The following ADCY9 variants were observed in gnomAD, a reference collection of about 807,000 sequenced individuals.
The protein encoded by ADCY9 is adenylate cyclase 9, also known as adenylate cyclase type 9.
Under a neutral mutation model 101.5 loss-of-function variants are expected in ADCY9, and 50 were observed. That is an observed-to-expected ratio of 0.49 (90% CI 0.39 to 0.62). The LOEUF (loss-of-function observed/expected upper bound fraction) is 0.62. Ranked by LOEUF, ADCY9 falls within the 20% of genes least tolerant of loss-of-function variation. The pLI, the probability that ADCY9 is intolerant of heterozygous loss-of-function variation, is 0.00. For missense variants in ADCY9, 1,662 were observed against 1,800.4 expected (o/e 0.92, Z 1.39); for synonymous variants, 905 against 769.3 (o/e 1.18, Z -2.92).
At chr16:4,104,642 G>T (rs1290942327) in intron 2 of ADCY9, among the ~76,000 whole-genome samples, 1 of 151,942 alleles carries the variant, frequency 6.6e-6, no homozygotes, top group Non-Finnish European at 1.5e-5. Flanking sequence ...CTACTCACTT[G>T]TTGAATGTTT....
intron 2 of ADCY9, among the ~76,000 whole-genome samples, chr16:4,029,694 G>A (rs1334591273): frequency 6.6e-5 from 10 of 152,158 alleles, no homozygotes; most frequent in African/African-American, 2.4e-4. Context: ...GCAATGAGCC[G>A]AGATTGTGCC....
chr16:4,010,759 C>T (rs2531966), intron 2 of ADCY9, among the ~76,000 whole-genome samples: 144,179 of 152,188 alleles, frequency 0.95, 68,744 homozygotes, highest in East Asian at 1. Context: ...GTGGCTCGAA[C>T]GTGTCCCCTC....
At chr16:4,046,133 G>C (rs2056663051) in intron 2 of ADCY9, among the ~76,000 whole-genome samples, 1 of 152,100 alleles carries the variant, frequency 6.6e-6, no homozygotes, top group Non-Finnish European at 1.5e-5. Context: ...TCACAGGTGT[G>C]AGCCACGGCA....
intron 2 of ADCY9, among the ~76,000 whole-genome samples, chr16:4,102,363 C>G (rs1252021892): frequency 6.6e-6 from 1 of 152,134 alleles, no homozygotes; most frequent in Non-Finnish European, 1.5e-5. Context: ...AAGCACCCAA[C>G]CATTCAAGGG....
chr16:4,095,280 CG>C (rs1468929960), intron 2 of ADCY9, among the ~76,000 whole-genome samples: 1 of 152,186 alleles, frequency 6.6e-6, no homozygotes, highest in African/African-American at 2.4e-5. Flanking sequence ...CGATTACAGG[CG>C]TGAGCCACCG....
intron 2 of ADCY9, among the ~76,000 whole-genome samples, chr16:4,025,322 G>A (rs1025367894): frequency 6.7e-6 from 1 of 149,618 alleles, no homozygotes; most frequent in Non-Finnish European, 1.5e-5. Flanking sequence ...TGCAGTGAGC[G>A]GACATTGGTG....
intron 3 of ADCY9, among the ~76,000 whole-genome samples, chr16:4,003,540 AGT>A (rs1463014076): frequency 2.0e-5 from 3 of 151,292 alleles, no homozygotes; most frequent in Non-Finnish European, 4.4e-5. Context: ...AGAGGAATTA[AGT>A]GTGTGTTTGC....
At chr16:4,105,293 T>C (rs192716159) in intron 2 of ADCY9, among the ~76,000 whole-genome samples, 58 of 152,302 alleles carry the variant, frequency 3.8e-4, no homozygotes, top group African/African-American at 1.1e-3. Context: ...TTTCAATTTC[T>C]AATACTGTAA....
chr16:4,092,504 CT>C (rs1345325274), intron 2 of ADCY9, among the ~76,000 whole-genome samples: 2 of 152,150 alleles, frequency 1.3e-5, no homozygotes, highest in Admixed American at 6.6e-5. Flanking sequence ...TTCATTAATT[CT>C]AATTGACTTT....
chr16:4,024,069 C>T (rs1314596168), intron 2 of ADCY9, among the ~76,000 whole-genome samples: 2 of 151,668 alleles, frequency 1.3e-5, no homozygotes, highest in Non-Finnish European at 2.9e-5. Flanking sequence ...GTTGCCCAGG[C>T]TGGAGTGCAA....
intron 2 of ADCY9, among the ~76,000 whole-genome samples, chr16:4,092,668 C>T (rs2056980798): frequency 6.6e-6 from 1 of 152,126 alleles, no homozygotes; most frequent in Admixed American, 6.6e-5. Context: ...TAATAATACA[C>T]TAAAAATAAC....
chr16:4,055,823 G>T (rs1057459439), intron 2 of ADCY9, among the ~76,000 whole-genome samples: 3 of 151,768 alleles, frequency 2.0e-5, no homozygotes, highest in Non-Finnish European at 4.4e-5. Context: ...GACAGAGCGA[G>T]GATCCGTTTC....
intron 2 of ADCY9, among the ~76,000 whole-genome samples, chr16:4,078,498 A>G (rs1386049174): frequency 1.3e-5 from 2 of 151,176 alleles, no homozygotes; most frequent in Non-Finnish European, 3.0e-5. Context: ...AGGAGGTCAA[A>G]GCTGCAGTGA....
downstream of ADCY9, among the ~76,000 whole-genome samples, chr16:3,961,025 T>C (rs113974253): frequency 2.7e-3 from 409 of 152,308 alleles, 2 homozygotes; most frequent in African/African-American, 9.4e-3. Context: ...AGCAACCATG[T>C]GAACAAGATT....
rs761248124 is a variant in ADCY9 at position 4,114,513 on chromosome 16, G to A, written c.930C>T (p.Phe310=). 13 of 1,614,052 alleles carry A rather than the reference G, an allele frequency of 8.1e-6. No homozygotes were observed. Among genetic ancestry groups the A allele is most frequent in the Non-Finnish European group, 1.0e-5 (12 of 1,180,046 alleles). ...GCATAATGGATTGCCCCACCTTGAG[G>A]AAGGTGCTCCTGGACCTCACCTGGG... ...VMSQVRSRST[F]LKVGQSIMHG... Residue 310 remains phenylalanine, a synonymous_variant, in exon 2 of 11, where the codon TTC becomes TTT. Coordinates refer to ENST00000294016, the MANE Select transcript of ADCY9 (RefSeq NM_001116.4). This position sits in a 1 kb window ranked among gnomAD's most constrained non-coding sequence, Gnocchi z 4.3.
intron 2 of ADCY9, among the ~76,000 whole-genome samples, chr16:4,075,323 G>C (rs1223870247): frequency 1.3e-5 from 2 of 152,172 alleles, no homozygotes; most frequent in African/African-American, 2.4e-5. Flanking sequence ...ATTTTTAGTA[G>C]AGATGGGGTT....
chr16:4,097,545 ATATATATATTT>A (rs1377204988), intron 2 of ADCY9, among the ~76,000 whole-genome samples: 2 of 53,340 alleles, frequency 3.7e-5, no homozygotes, highest in African/African-American at 1.7e-4. Flanking sequence ...ATATATATAT[ATATATATATTT>A]TTTTTTTTTT....
rs555088342 is a variant in ADCY9, at chr16:4,095,602, G to A, written c.1693+18148C>T. Among the ~76,000 whole-genome samples, 47 of 152,122 alleles carry A rather than the reference G, an allele frequency of 3.1e-4. 1 individual carries two copies. The South Asian group carries it at 9.8e-3, about 32-fold the overall frequency. On this transcript the variant is annotated intron_variant, in intron 2 of 10. Transcript: ENST00000294016. ...AAATAATGTTCACATGGGAACTGAA[G>A]CACATTAAAAAAATAATAATTATTC...
At position 4,115,683 on chromosome 16, in the gene ADCY9, G is replaced by A. The variant is rs2057146639; in HGVS notation, c.-44+7C>T. On this transcript the variant is annotated splice_region_variant and intron_variant, in intron 1 of 10. Transcript: ENST00000294016. The surrounding 1 kb of genome is among the most constrained non-coding windows in gnomAD (Gnocchi z 6.2). ...TTCGAGGCGCACGAGAACCGCTCGG[G>A]ACGGACCTAGAACGCCCGGGGGTCC... The A allele has an allele frequency of 1.9e-6, 1 of 528,574 alleles. No homozygotes were observed. The highest frequency in any genetic ancestry group is 3.0e-5 in the East Asian group (1 of 33,374). The allele number at this position is 528,574 out of a possible 1,614,324, so 32.7% of individuals were successfully genotyped here.
Sources: gnomAD v4.1 joint callset for allele counts (sites outside exome capture counted in the v4.1 genomes callset) on GRCh38, gnomAD v4.1.1 for gene constraint, Gnocchi (gnomAD v3.1) non-coding constraint, MANE v1.5 for transcripts, NCBI Gene and HGNC (gene_info 2026-07-23, HGNC 2026-07-21) for gene names.